ZBTB7C: variants seen among roughly 807,000 people sequenced by gnomAD.
The protein encoded by ZBTB7C is zinc finger and BTB domain-containing protein 7C.
Under a neutral mutation model 25.7 loss-of-function variants are expected in ZBTB7C, and 8 were observed. That is an observed-to-expected ratio of 0.31 (90% CI 0.18 to 0.56). ZBTB7C has a LOEUF of 0.56. Ranked by LOEUF, ZBTB7C falls within the 20% of genes least tolerant of loss-of-function variation. ZBTB7C has a pLI of 0.91. For synonymous variants in ZBTB7C, 394 were observed against 369.0 expected (o/e 1.07, Z -0.78); for missense variants, 824 against 855.2 (o/e 0.96, Z 0.46).
intron 2 of ZBTB7C, among the ~76,000 whole-genome samples, chr18:48,274,174 AC>A: frequency 6.6e-6 from 1 of 152,182 alleles, no homozygotes; most frequent in East Asian, 1.9e-4. Context: ...GTCTTTTAGG[AC>A]CCTTAATCTC....
chr18:48,193,540 T>C (rs1452694617), intron 2 of ZBTB7C, among the ~76,000 whole-genome samples: 1 of 152,156 alleles, frequency 6.6e-6, no homozygotes, highest in Non-Finnish European at 1.5e-5. Context: ...ACAAAATGAA[T>C]AGCAGAATTC....
chr18:48,289,241 A>C (rs796216011), intron 2 of ZBTB7C, among the ~76,000 whole-genome samples: 4 of 152,256 alleles, frequency 2.6e-5, no homozygotes, highest in African/African-American at 9.6e-5. Flanking sequence ...AGACCTAGCA[A>C]ATTCACTTTT....
chr18:48,177,039 AG>A (rs2041702967), intron 3 of ZBTB7C, among the ~76,000 whole-genome samples: 1 of 152,258 alleles, frequency 6.6e-6, no homozygotes, highest in African/African-American at 2.4e-5. Flanking sequence ...GGCCCCCCAT[AG>A]GGTGTGCTGG....
intron 3 of ZBTB7C, among the ~76,000 whole-genome samples, chr18:48,082,062 C>T (rs752505590): frequency 1.3e-4 from 20 of 152,084 alleles, no homozygotes; most frequent in South Asian, 4.1e-4. Context: ...TGTTGGTCTA[C>T]GCATTAGAGG....
chr18:48,103,341 A>G (rs903084837), intron 3 of ZBTB7C, among the ~76,000 whole-genome samples: 1 of 152,036 alleles, frequency 6.6e-6, no homozygotes, highest in South Asian at 2.1e-4. Context: ...GGATTGTTCA[A>G]TTGAGAGAAA....
intron 2 of ZBTB7C, among the ~76,000 whole-genome samples, chr18:48,265,838 G>A (rs1370592052): frequency 6.6e-6 from 1 of 152,200 alleles, no homozygotes; most frequent in Non-Finnish European, 1.5e-5. Flanking sequence ...GTGTCAACTT[G>A]CTGTACCATG....
chr18:48,165,304 C>A, intron 3 of ZBTB7C: 1 of 455,172 alleles, frequency 2.2e-6, no homozygotes, highest in Non-Finnish European at 4.4e-6. Flanking sequence ...GCATTCGAAT[C>A]TAAGACAACA....
intron 3 of ZBTB7C, among the ~76,000 whole-genome samples, chr18:48,084,267 G>C (rs1480556341): frequency 6.6e-6 from 1 of 152,230 alleles, no homozygotes; most frequent in Non-Finnish European, 1.5e-5. Flanking sequence ...TCAGGGGCCA[G>C]AGGTCGGGGG....
intron 2 of ZBTB7C, among the ~76,000 whole-genome samples, chr18:48,294,698 CCACA>C (rs1390799650): frequency 6.6e-6 from 1 of 151,798 alleles, no homozygotes; most frequent in Non-Finnish European, 1.5e-5. Flanking sequence ...CTGCTTGTCC[CCACA>C]CAGAGGGCTT....
At chr18:48,168,261 A>C (rs1035108834) in intron 3 of ZBTB7C, among the ~76,000 whole-genome samples, 1 of 152,214 alleles carries the variant, frequency 6.6e-6, no homozygotes, top group African/African-American at 2.4e-5. Flanking sequence ...TACTTGCTGC[A>C]AGGCAACCTC....
chr18:48,137,024 G>C, intron 3 of ZBTB7C: 1 of 985,148 alleles, frequency 1.0e-6, no homozygotes, highest in Non-Finnish European at 1.2e-6. Context: ...CCCCGGGGAC[G>C]CCGCGCTCGT....
At chr18:48,353,096 T>C (rs559616879) in intron 1 of ZBTB7C, among the ~76,000 whole-genome samples, 2 of 152,272 alleles carry the variant, frequency 1.3e-5, no homozygotes, top group South Asian at 2.1e-4. Flanking sequence ...TTTTTCAGAG[T>C]GTCTTGCAGC....
At chr18:48,103,112 TTATCTATCTATCTATCTATCTATC>T (rs61043835) in intron 3 of ZBTB7C, among the ~76,000 whole-genome samples, 3 of 130,964 alleles carry the variant, frequency 2.3e-5, no homozygotes, top group African/African-American at 5.9e-5. Context: ...ATATTTTATA[TTATCTATCTATCTATCTATCTATC>T]TATCTATCTA....
Position 48,062,364 on chromosome 18 carries a change from G to A in ZBTB7C, c.-16-21241C>T, listed in dbSNP as rs771785148. On this transcript the variant is annotated intron_variant, in intron 3 of 4. Transcript: ENST00000590800. ...TGGATTAGCTGGAAGCATGAGTCAC[G>A]CTTGATTTTCATGCTGTTGGCGCAC... 2.4e-4 allele frequency among the ~76,000 whole-genome samples: 37 copies of A among 152,158 alleles called. 1 individual carries two copies. The highest frequency in any genetic ancestry group is 2.4e-3 in the Admixed American group (37 of 15,284).
chr18:48,149,335 T>C (rs2040601612), intron 3 of ZBTB7C: 1 of 152,364 alleles, frequency 6.6e-6, no homozygotes, highest in Non-Finnish European at 1.5e-5. Flanking sequence ...TTCTGTGTTG[T>C]TTCAACACCA....
At chr18:48,277,147 G>A (rs569442373) in intron 2 of ZBTB7C, among the ~76,000 whole-genome samples, 3 of 141,744 alleles carry the variant, frequency 2.1e-5, no homozygotes, top group African/African-American at 8.0e-5. Context: ...TTGACAAATG[G>A]GATCTAATTA....
intron 2 of ZBTB7C, among the ~76,000 whole-genome samples, chr18:48,313,276 G>C (rs1598847331): frequency 6.6e-6 from 1 of 152,320 alleles, no homozygotes; most frequent in African/African-American, 2.4e-5. Context: ...TTCGGAGTGA[G>C]TCTAAGCAGT....
At chr18:48,053,418 C>T (rs1438431055) in intron 3 of ZBTB7C, among the ~76,000 whole-genome samples, 1 of 152,216 alleles carries the variant, frequency 6.6e-6, no homozygotes, top group African/African-American at 2.4e-5. Flanking sequence ...GAGATTCCTT[C>T]ACCTTTGACT....
At chr18:48,175,339 G>A (rs986689408) in intron 3 of ZBTB7C, among the ~76,000 whole-genome samples, 2 of 152,192 alleles carry the variant, frequency 1.3e-5, no homozygotes, top group Non-Finnish European at 2.9e-5. Flanking sequence ...TATAGGATGA[G>A]CAAAGGAGTG....
Sources: gnomAD v4.1 joint callset for allele counts (sites outside exome capture counted in the v4.1 genomes callset) on GRCh38, gnomAD v4.1.1 for gene constraint, MANE v1.5 for transcripts, NCBI Gene and HGNC (gene_info 2026-07-23, HGNC 2026-07-21) for gene names.